The following TAS2R1 variants were observed in gnomAD, a reference collection of about 807,000 sequenced individuals.
TAS2R1 encodes taste 2 receptor member 1, also known as taste receptor type 2 member 1.
For missense variants in TAS2R1, 370 were observed against 353.4 expected (o/e 1.05, Z -0.38); for synonymous variants, 141 against 134.2 (o/e 1.05, Z -0.35).
chr5:9,661,122 T>C (rs1393925598), intron 1 of TAS2R1, among the ~76,000 whole-genome samples: 1 of 152,244 alleles, frequency 6.6e-6, no homozygotes, highest in Non-Finnish European at 1.5e-5. Flanking sequence ...ACTACATTTT[T>C]GGTCATTTGT....
chr5:9,700,625 G>C (rs1741460666), intron 1 of TAS2R1, among the ~76,000 whole-genome samples: 2 of 152,176 alleles, frequency 1.3e-5, no homozygotes, highest in African/African-American at 4.8e-5. Flanking sequence ...CCGTAACAAA[G>C]TACCACAGAT....
the TAS2R1 span, among the ~76,000 whole-genome samples, chr5:9,823,223 G>T: frequency 1.3e-5 from 2 of 152,058 alleles, no homozygotes; most frequent in Non-Finnish European, 2.9e-5. Flanking sequence ...GCTATATTTT[G>T]GGAGAGGAGG....
At chr5:9,851,724 C>CAAT in the TAS2R1 span, among the ~76,000 whole-genome samples, 1 of 152,098 alleles carries the variant, frequency 6.6e-6, no homozygotes, top group South Asian at 2.1e-4. Flanking sequence ...GTTGCTGGAC[C>CAAT]AATATGCTGC....
At chr5:9,633,319 T>TATATATATATATATATATATATACATAC (rs1475834697), upstream of TAS2R1, among the ~76,000 whole-genome samples, 5 of 137,474 alleles carry the variant, frequency 3.6e-5, no homozygotes, top group African/African-American at 1.5e-4. Context: ...TATATATATA[T>TATATATATATATATATATATATACATAC]ACACAAATGT....
At chr5:9,720,294 G>A in the TAS2R1 span, among the ~76,000 whole-genome samples, 1 of 152,226 alleles carries the variant, frequency 6.6e-6, no homozygotes, top group Non-Finnish European at 1.5e-5. Context: ...GCTAGTCTGG[G>A]CTGGGCTTTC....
At chr5:9,878,415 A>G in the TAS2R1 span, among the ~76,000 whole-genome samples, 30 of 152,326 alleles carry the variant, frequency 2.0e-4, no homozygotes, top group African/African-American at 7.2e-4. Context: ...GCCTTGGGCT[A>G]GTTACCAGAT....
chr5:9,666,292 TG>T (rs1158583533), intron 1 of TAS2R1, among the ~76,000 whole-genome samples: 1 of 152,186 alleles, frequency 6.6e-6, no homozygotes, highest in Admixed American at 6.5e-5. Context: ...AGACCCTTGA[TG>T]GGCCTAGGGC....
At chr5:9,737,797 A>C in the TAS2R1 span, among the ~76,000 whole-genome samples, 1 of 152,194 alleles carries the variant, frequency 6.6e-6, no homozygotes, top group East Asian at 1.9e-4. Flanking sequence ...TTTAATACAC[A>C]AGTCAAATTT....
the TAS2R1 span, among the ~76,000 whole-genome samples, chr5:9,804,348 T>C: frequency 6.6e-6 from 1 of 151,888 alleles, no homozygotes; most frequent in African/African-American, 2.4e-5. Flanking sequence ...AGACAGAAAG[T>C]CAACAAAGAA....
chr5:9,690,297 G>T (rs1397701106), intron 1 of TAS2R1, among the ~76,000 whole-genome samples: 2 of 151,998 alleles, frequency 1.3e-5, no homozygotes, highest in African/African-American at 2.4e-5. Context: ...ATACACATTT[G>T]GGAAAATCAA....
At chr5:9,808,193 T>C in the TAS2R1 span, among the ~76,000 whole-genome samples, 27 of 152,306 alleles carry the variant, frequency 1.8e-4, no homozygotes, top group East Asian at 2.5e-3. Context: ...ACATAAGTGA[T>C]TGTGAACACT....
intron 1 of TAS2R1, among the ~76,000 whole-genome samples, chr5:9,689,148 T>C (rs1741186088): frequency 6.6e-6 from 1 of 152,174 alleles, no homozygotes; most frequent in Non-Finnish European, 1.5e-5. Context: ...GGCTCTACTC[T>C]GACCTGGCTA....
chr5:9,712,029 A>AGGGG (rs1734690802), intron 1 of TAS2R1: 1 of 4,774 alleles, frequency 2.1e-4, no homozygotes, highest in Non-Finnish European at 3.6e-4. Flanking sequence ...GAAGGAAGGA[A>AGGGG]GGGAGGGAGG....
the TAS2R1 span, among the ~76,000 whole-genome samples, chr5:9,771,226 G>C: frequency 2.6e-5 from 4 of 151,766 alleles, no homozygotes; most frequent in Non-Finnish European, 5.9e-5. Context: ...ATCTTTGCCA[G>C]ATCTTTGCCA....
the TAS2R1 span, among the ~76,000 whole-genome samples, chr5:9,851,518 G>GTTTTTTT: frequency 1.4e-5 from 2 of 139,404 alleles, no homozygotes. Flanking sequence ...GCTGGGATTT[G>GTTTTTTT]TTTTTTTTTT....
At chr5:9,734,263 T>G in the TAS2R1 span, among the ~76,000 whole-genome samples, 2 of 152,230 alleles carry the variant, frequency 1.3e-5, no homozygotes, top group South Asian at 2.1e-4. Flanking sequence ...GAGAAATAGA[T>G]GTCTGTTGCT....
At chr5:9,741,504 T>C in the TAS2R1 span, among the ~76,000 whole-genome samples, 1 of 152,188 alleles carries the variant, frequency 6.6e-6, no homozygotes, top group South Asian at 2.1e-4. Flanking sequence ...AATGTTGATA[T>C]AAAATGTTAT....
chr5:9,729,315 G>C, the TAS2R1 span, among the ~76,000 whole-genome samples: 1 of 7,920 alleles, frequency 1.3e-4, no homozygotes, highest in Non-Finnish European at 2.2e-4. Context: ...TCACGAATGA[G>C]GGTCTGTCCT....
At chr5:9,865,525 G>C in the TAS2R1 span, among the ~76,000 whole-genome samples, 1 of 151,904 alleles carries the variant, frequency 6.6e-6, no homozygotes, top group Non-Finnish European at 1.5e-5. Flanking sequence ...TTTTTACCTG[G>C]GATCACTTTC....
Sources: allele counts gnomAD v4.1 joint callset (sites outside exome capture counted in the v4.1 genomes callset), GRCh38; gene constraint gnomAD v4.1.1; transcripts MANE v1.5; gene names NCBI Gene and HGNC (gene_info 2026-07-23, HGNC 2026-07-21).